PRKAR1B: variants seen among roughly 807,000 people sequenced by gnomAD.
The protein encoded by PRKAR1B is cAMP-dependent protein kinase type I-beta regulatory subunit.
Under a neutral mutation model 46.5 loss-of-function variants are expected in PRKAR1B, and 22 were observed. The ratio of observed to expected loss-of-function variants is 0.47; its 90% CI spans 0.34 to 0.68. PRKAR1B has a LOEUF of 0.68. Among genes scored for constraint, PRKAR1B ranks in the 30% least tolerant of loss-of-function variants. The pLI is 0.01. For missense variants in PRKAR1B, 445 were observed against 535.6 expected, an observed-to-expected ratio of 0.83 and a Z score of 1.67; for synonymous variants, 259 against 217.7, an observed-to-expected ratio of 1.19 and a Z score of -1.67.
At chr7:653,563 AGTCTTGG>A (rs1039442342) in intron 4 of PRKAR1B, among the ~76,000 whole-genome samples, 9 of 152,166 alleles carry the variant, frequency 5.9e-5, no homozygotes, top group African/African-American at 2.2e-4. Flanking sequence ...TGGTTGGCTT[AGTCTTGG>A]GTTACCTGAT....
intron 4 of PRKAR1B, among the ~76,000 whole-genome samples, chr7:662,380 C>T (rs1398812649): frequency 2.2e-5 from 3 of 137,344 alleles, no homozygotes; most frequent in African/African-American, 2.8e-5. Flanking sequence ...GTCCAAATAC[C>T]TACTCTTCCC....
At chr7:703,123 G>A (rs1780148154) in intron 2 of PRKAR1B, among the ~76,000 whole-genome samples, 8 of 152,112 alleles carry the variant, frequency 5.3e-5, no homozygotes, top group Admixed American at 5.2e-4. Flanking sequence ...ATCAGATAAA[G>A]CAGACTTCAG....
At chr7:630,092 G>A (rs1310505029) in intron 4 of PRKAR1B, among the ~76,000 whole-genome samples, 1 of 152,232 alleles carries the variant, frequency 6.6e-6, no homozygotes, top group Non-Finnish European at 1.5e-5. Context: ...TGCAATACTT[G>A]TTTTCTTTCC....
At chr7:724,732 A>C (rs1189818532) in intron 1 of PRKAR1B, among the ~76,000 whole-genome samples, 1 of 152,168 alleles carries the variant, frequency 6.6e-6, no homozygotes, top group Admixed American at 6.5e-5. Context: ...AACACATACT[A>C]ATTTATCCTT....
chr7:616,010 G>T (rs887360842), intron 4 of PRKAR1B, among the ~76,000 whole-genome samples: 2 of 150,578 alleles, frequency 1.3e-5, no homozygotes, highest in African/African-American at 4.9e-5. Flanking sequence ...AAGGAAGAAA[G>T]AGAGAGAGAG....
intron 9 of PRKAR1B, among the ~76,000 whole-genome samples, chr7:566,315 T>C (rs1779129796): frequency 6.6e-6 from 1 of 150,462 alleles, no homozygotes; most frequent in Non-Finnish European, 1.5e-5. Context: ...ATCATCACCA[T>C]ATTCACCAAC....
At position 606,184 on chromosome 7, in the gene PRKAR1B, G is replaced by A. The variant is rs144478976; in HGVS notation, c.549+9C>T. The A allele has an allele frequency of 5.9e-5, 96 of 1,613,670 alleles. No individual in the cohort carries two copies. In the African/African-American group the frequency reaches 8.9e-4, roughly 15 times the overall value. On this transcript the variant is annotated intron_variant, in intron 6 of 10. Transcript: ENST00000537384. ...CGCTATTTTCCAAAGACAAGTTAGC[G>A]ACACTCACATCCACTTCCCCTTGAT...
In PRKAR1B at chr7:573,768, A is replaced by C. The variant is rs1779664349; in HGVS notation, c.891+5488T>G. On this transcript the variant is annotated intron_variant, in intron 9 of 10. Transcript: ENST00000537384. ...AAACACTGGAAGTTGTGCTCGCAAG[A>C]CTGGGATCGCGGAGTCGGGCACACC... Among the ~76,000 whole-genome samples the C allele has an allele frequency of 5.3e-5, 8 of 152,318 alleles. No homozygotes were observed. The South Asian group carries it at 1.7e-3, about 32-fold the overall frequency.
At chr7:611,255 G>A (rs1047560153) in intron 4 of PRKAR1B, among the ~76,000 whole-genome samples, 3 of 152,154 alleles carry the variant, frequency 2.0e-5, no homozygotes, top group African/African-American at 7.2e-5. Flanking sequence ...CCTCCCTCTC[G>A]TCCACCCCTC....
intron 4 of PRKAR1B, among the ~76,000 whole-genome samples, chr7:645,605 C>T (rs910009959): frequency 1.7e-4 from 26 of 152,186 alleles, no homozygotes; most frequent in African/African-American, 6.0e-4. Context: ...GCCAGTCCCA[C>T]AGCCGTCACG....
At chr7:715,937 G>GAAT (rs1780863978) in intron 1 of PRKAR1B, among the ~76,000 whole-genome samples, 1 of 152,006 alleles carries the variant, frequency 6.6e-6, no homozygotes, top group Non-Finnish European at 1.5e-5. Flanking sequence ...GGATGGTCTC[G>GAAT]GTCTCCTGAC....
At chr7:576,126 C>T (rs959140279) in intron 9 of PRKAR1B, among the ~76,000 whole-genome samples, 22 of 147,976 alleles carry the variant, frequency 1.5e-4, no homozygotes, top group African/African-American at 3.3e-4. Flanking sequence ...TGCACACGGG[C>T]GGGCGTGCAC....
chr7:683,073 G>T (rs1001538478), intron 2 of PRKAR1B, among the ~76,000 whole-genome samples: 6 of 152,248 alleles, frequency 3.9e-5, no homozygotes, highest in Non-Finnish European at 8.8e-5. Context: ...GGACCAGGAG[G>T]TGGAGGAGGA....
chr7:555,021 C>T (rs919563560), intron 9 of PRKAR1B, among the ~76,000 whole-genome samples: 1 of 152,202 alleles, frequency 6.6e-6, no homozygotes, highest in Non-Finnish European at 1.5e-5. Context: ...GGAGTCACCA[C>T]AGGCCACCCC....
chr7:594,320 G>A (rs1471714314), intron 7 of PRKAR1B, among the ~76,000 whole-genome samples: 2 of 152,144 alleles, frequency 1.3e-5, no homozygotes, highest in East Asian at 1.9e-4. Context: ...AGAGGCCGAG[G>A]ACCCCGGCAA....
At chr7:598,006 C>T (rs1023197767) in intron 6 of PRKAR1B, among the ~76,000 whole-genome samples, 2 of 152,200 alleles carry the variant, frequency 1.3e-5, no homozygotes, top group Non-Finnish European at 2.9e-5. Flanking sequence ...TGGGTCTCAC[C>T]GTGTCTATCC....
chr7:700,268 AG>A (rs1190139122), intron 2 of PRKAR1B, among the ~76,000 whole-genome samples: 3 of 152,206 alleles, frequency 2.0e-5, no homozygotes, highest in Admixed American at 6.5e-5. Context: ...AGCACCCCAA[AG>A]GCTTGGAAAC....
chr7:677,368 CTG>C, intron 3 of PRKAR1B, 48 bp from the exon 4 acceptor site: 1 of 1,541,632 alleles, frequency 6.5e-7, no homozygotes. Flanking sequence ...TGGCCTGATG[CTG>C]TGACGCGGCC....
At chr7:588,062 C>A (rs991004923) in intron 7 of PRKAR1B, among the ~76,000 whole-genome samples, 16 of 152,186 alleles carry the variant, frequency 1.1e-4, no homozygotes, top group African/African-American at 3.9e-4. Context: ...TTTCCGGTAG[C>A]GTGGCCCTCC....
Sources: gnomAD v4.1 joint callset for allele counts (sites outside exome capture counted in the v4.1 genomes callset) on GRCh38, gnomAD v4.1.1 for gene constraint, MANE v1.5 for transcripts, NCBI Gene and HGNC (gene_info 2026-07-23, HGNC 2026-07-21) for gene names.